The following CCNK variants were observed in gnomAD, a reference collection of about 807,000 sequenced individuals.
CCNK encodes cyclin-K.
Under a neutral mutation model 65.0 loss-of-function variants are expected in CCNK, and 9 were observed. The observed-to-expected ratio is 0.14, with a 90% confidence interval of 0.08 to 0.24. CCNK has a LOEUF of 0.24. Among genes scored for constraint, CCNK ranks in the 10% least tolerant of loss-of-function variants. The pLI, the probability that CCNK is intolerant of heterozygous loss-of-function variation, is 1.00. For synonymous variants in CCNK, 279 were observed against 270.8 expected (o/e 1.03, Z -0.30); for missense variants, 474 against 720.0 (o/e 0.66, Z 3.91).
At chr14:99,509,634 T>A (rs118127859) in intron 10 of CCNK, 260 of 164,216 alleles carry the variant, frequency 1.6e-3, no homozygotes, top group Non-Finnish European at 2.6e-3. Flanking sequence ...CTCTCTTGAG[T>A]AGAATAGAAC....
At chr14:99,507,282 A>G (rs2139881120) in intron 10 of CCNK, 135 bp downstream of exon 10, 1 of 721,476 alleles carries the variant, frequency 1.4e-6, no homozygotes, top group Non-Finnish European at 2.5e-6. Flanking sequence ...GAATCTTTGC[A>G]AAATTGTTCT....
chr14:99,482,459 G>A (rs1896367349), intron 1 of CCNK, among the ~76,000 whole-genome samples: 1 of 152,188 alleles, frequency 6.6e-6, no homozygotes, highest in East Asian at 1.9e-4. Context: ...GATGGTAGTG[G>A]TAGTAGTATT....
intron 10 of CCNK, chr14:99,509,511 C>T (rs1414978015): frequency 6.7e-6 from 1 of 150,234 alleles, no homozygotes; most frequent in African/African-American, 2.6e-5. Context: ...CACGCACACA[C>T]ACGCAGCACG....
chr14:99,483,186 G>A lies in CCNK; in HGVS notation c.-53+1707G>A, dbSNP rs370572155. ...TCTGTTTTAGAATCTTGTTGGAAGAGCCAACAAGTTTATGAGTACTTGGGA... is the reference window on the plus strand; with the variant it reads ...TCTGTTTTAGAATCTTGTTGGAAGAACCAACAAGTTTATGAGTACTTGGGA... On this transcript the variant is annotated intron_variant, in intron 1 of 10. Transcript: ENST00000389879. Among the ~76,000 whole-genome samples the A allele has an allele frequency of 3.9e-4, 60 of 152,230 alleles. No individual in the cohort carries two copies. The East Asian group carries it at 6.2e-3, about 16-fold the overall frequency.
chr14:99,499,565 G>C (rs908516835), intron 4 of CCNK, among the ~76,000 whole-genome samples: 1 of 152,182 alleles, frequency 6.6e-6, no homozygotes, highest in South Asian at 2.1e-4. Flanking sequence ...ACAACGCCCT[G>C]TCTTTGATGC....
Position 99,512,298 on chromosome 14 carries a change from A to G in CCNK, c.*1516A>G, listed in dbSNP as rs2139891051. The G allele has an allele frequency of 6.6e-6, 1 of 152,120 alleles. No homozygotes were observed. Among genetic ancestry groups the G allele is most frequent in the South Asian group, 2.1e-4 (1 of 4,808 alleles). The allele number at this position is 152,120 out of a possible 1,614,324, so 9.4% of individuals were successfully genotyped here. On this transcript the variant is annotated 3_prime_UTR_variant, in exon 11 of 11. Coordinates refer to ENST00000389879, the MANE Select transcript of CCNK (RefSeq NM_001099402.2). The stretch of plus-strand genomic sequence containing the variant: ...CTGTGGCACCTTCTACAGAAAATAG[A>G]CGTAGCTGCCGGGCCCGGGGACAGA...
chr14:99,482,016 C>T (rs1896346081), intron 1 of CCNK, among the ~76,000 whole-genome samples: 1 of 152,150 alleles, frequency 6.6e-6, no homozygotes, highest in African/African-American at 2.4e-5. Context: ...ATCGTCTTTA[C>T]GGACCCGCTC....
intron 1 of CCNK, among the ~76,000 whole-genome samples, chr14:99,491,232 C>A (rs1363580974): frequency 6.6e-6 from 1 of 152,114 alleles, no homozygotes; most frequent in East Asian, 1.9e-4. Context: ...ATAGTTAGGA[C>A]AATATTTTCA....
intron 3 of CCNK, chr14:99,495,201 T>C (rs946508212): frequency 4.0e-5 from 8 of 202,526 alleles, no homozygotes; most frequent in African/African-American, 1.4e-4. Flanking sequence ...TAATTTCAGA[T>C]TGGAATATGA....
At position 99,500,751 on chromosome 14, in the gene CCNK, G is replaced by A; in HGVS notation, c.412-15G>A. Reference sequence around the variant, plus strand: ...AATTGTAATTACTGTCCTAACATTTGTGATTGATTTTTAGGAGGAAGTAAT... The same window carrying A: ...AATTGTAATTACTGTCCTAACATTTATGATTGATTTTTAGGAGGAAGTAAT... On this transcript the variant is annotated splice_polypyrimidine_tract_variant and intron_variant, in intron 4 of 10. Transcript: ENST00000389879. 6.7e-7 allele frequency: 1 copy of A among 1,484,068 alleles called. No individual in the cohort carries two copies. 91.9% of individuals were successfully genotyped at this position (1,484,068 alleles called of 1,614,324 possible).
intron 1 of CCNK, among the ~76,000 whole-genome samples, chr14:99,486,623 C>G (rs1198431614): frequency 6.6e-6 from 1 of 152,232 alleles, no homozygotes; most frequent in Non-Finnish European, 1.5e-5. Context: ...CTTATCAAAA[C>G]CAGCTTTTTC....
intron 1 of CCNK, among the ~76,000 whole-genome samples, chr14:99,482,629 T>G (rs1387856452): frequency 6.6e-6 from 1 of 152,258 alleles, no homozygotes; most frequent in Non-Finnish European, 1.5e-5. Context: ...TATATTGTGA[T>G]GCATTATTCA....
At chr14:99,491,148 C>G (rs994845524) in intron 1 of CCNK, among the ~76,000 whole-genome samples, 1 of 152,094 alleles carries the variant, frequency 6.6e-6, no homozygotes, top group Non-Finnish European at 1.5e-5. Context: ...TTGGGTTGTT[C>G]ATAGTTTTGC....
rs1806462405 is a variant in CCNK, at chr14:99,512,085, C to T, written c.*1303C>T. The T allele has an allele frequency of 6.6e-6, 1 of 152,252 alleles. No individual in the cohort carries two copies. The highest frequency in any genetic ancestry group is 2.4e-5 in the African/African-American group (1 of 41,466). The allele number at this position is 152,252 out of a possible 1,614,324, so 9.4% of individuals were successfully genotyped here. On this transcript the variant is annotated 3_prime_UTR_variant, in exon 11 of 11. Coordinates refer to ENST00000389879, the MANE Select transcript of CCNK (RefSeq NM_001099402.2). ...ATCTAGCTCAAAGTAGACACTATCA[C>T]AATCTTGTTTGTTACTCCTTTTACT...
At chr14:99,501,202 G>A in intron 5 of CCNK, 154 bp from the exon 6 acceptor site, 1 of 641,460 alleles carries the variant, frequency 1.6e-6, no homozygotes, top group Non-Finnish European at 2.8e-6. Context: ...GGGGTAGGAT[G>A]TGGACCCACA....
intron 4 of CCNK, among the ~76,000 whole-genome samples, chr14:99,496,739 TA>T (rs891974809): frequency 7.7e-4 from 108 of 140,548 alleles, no homozygotes; most frequent in East Asian, 2.1e-3. Context: ...AATATTACTT[TA>T]AAAAAAAAAA....
At chr14:99,508,042 C>G (rs1454458195) in intron 10 of CCNK, 1 of 152,262 alleles carries the variant, frequency 6.6e-6, no homozygotes, top group East Asian at 1.9e-4. Context: ...CTGTCAGCAG[C>G]TCCTCCAGCC....
In CCNK at chr14:99,498,095, A is replaced by G. The variant is rs113542597; in HGVS notation, c.411+2466A>G. On this transcript the variant is annotated intron_variant, in intron 4 of 10. Transcript: ENST00000389879. ...TGGCTGGCAAGCTGTGCTTAAGGAT[A>G]AGGCATCACACAGATCTGGGACCAC... Among the ~76,000 whole-genome samples, 1,425 of 152,264 alleles carry G rather than the reference A, an allele frequency of 9.4e-3. 21 individuals carry two copies. Among genetic ancestry groups the G allele is most frequent in the African/African-American group, 0.032 (1,339 of 41,528 alleles).
intron 4 of CCNK, 95 bp from the exon 5 acceptor site, chr14:99,500,671 A>G: frequency 1.2e-6 from 1 of 819,056 alleles, no homozygotes. Flanking sequence ...ATATAACTTG[A>G]AGAGAGAATA....
Sources: allele counts gnomAD v4.1 joint callset (sites outside exome capture counted in the v4.1 genomes callset), GRCh38; gene constraint gnomAD v4.1.1; transcripts MANE v1.5; gene names NCBI Gene and HGNC (gene_info 2026-07-23, HGNC 2026-07-21).